Variants in FSTL5 observed in about 807,000 individuals in gnomAD.
FSTL5 encodes the protein follistatin like 5.
A neutral mutation model predicts 89.1 loss-of-function variants in FSTL5; 62 were observed. The observed-to-expected ratio is 0.70, with a 90% CI of 0.57 to 0.86. The LOEUF is 0.86. Among genes scored for constraint, FSTL5 ranks in the 40% least tolerant of loss-of-function variants. The probability of loss-of-function intolerance (pLI) is 0.00; values close to 1 mark genes in which losing one functional copy is unlikely to be tolerated. For missense variants in FSTL5, 1,057 were observed against 1,001.6 expected, an observed-to-expected ratio of 1.06 and a Z score of -0.75; for synonymous variants, 383 against 346.2, an observed-to-expected ratio of 1.11 and a Z score of -1.18.
rs545251357 is a variant in FSTL5 at position 161,417,844 on chromosome 4, T to C, written c.1842-31395A>G. Among the ~76,000 whole-genome samples the C allele has an allele frequency of 7.2e-5, 11 of 152,364 alleles. No homozygotes were observed. In the South Asian group the frequency reaches 2.3e-3, roughly 32 times the overall value. ...GGATACATAAATTACTTTGGCACCATGTACTTGGTGTTAGGATTAGTCATG... is the reference window on the plus strand; with the variant it reads ...GGATACATAAATTACTTTGGCACCACGTACTTGGTGTTAGGATTAGTCATG... On this transcript the variant is annotated intron_variant, in intron 15 of 15. Coordinates refer to ENST00000306100, the MANE Select transcript of FSTL5 (RefSeq NM_020116.5).
At chr4:161,767,945 T>C (rs1434243048) in intron 5 of FSTL5, among the ~76,000 whole-genome samples, 1 of 150,844 alleles carries the variant, frequency 6.6e-6, no homozygotes, top group Admixed American at 6.6e-5. Context: ...CTTTTTCAGA[T>C]GGTAATTAAC....
chr4:161,716,607 T>TAAAATA (rs139455397), intron 6 of FSTL5, among the ~76,000 whole-genome samples: 1 of 151,776 alleles, frequency 6.6e-6, no homozygotes, highest in Non-Finnish European at 1.5e-5. Flanking sequence ...AAAAAATAAA[T>TAAAATA]AAATAAAATA....
chr4:161,496,817 G>C (rs1346656069), intron 12 of FSTL5, among the ~76,000 whole-genome samples: 4 of 152,056 alleles, frequency 2.6e-5, no homozygotes, highest in Non-Finnish European at 5.9e-5. Context: ...GATAGAGATA[G>C]AGATAGAGAT....
At chr4:161,645,284 T>C (rs1275275556) in intron 7 of FSTL5, among the ~76,000 whole-genome samples, 2 of 152,172 alleles carry the variant, frequency 1.3e-5, no homozygotes, top group African/African-American at 4.8e-5. Context: ...TCTATGTTAA[T>C]ATTCCTTATG....
intron 7 of FSTL5, among the ~76,000 whole-genome samples, chr4:161,589,694 G>T (rs1468266269): frequency 1.3e-5 from 2 of 152,030 alleles, no homozygotes; most frequent in African/African-American, 4.8e-5. Flanking sequence ...GATACTAGTT[G>T]TAGAGAGCAA....
At position 161,385,965 on chromosome 4, in the gene FSTL5, CCTT is replaced by C. The variant is rs780129385; in HGVS notation, c.2323_2325del (p.Lys775del). The C allele has an allele frequency of 6.2e-7, 1 of 1,613,806 alleles. No individual in the cohort carries two copies. The highest frequency in any genetic ancestry group is 8.5e-7 in the Non-Finnish European group (1 of 1,179,944). On this transcript the variant is annotated inframe_deletion, in exon 16 of 16. Transcript: ENST00000306100. ...TCCTTGAGACTCTTTATCATCTTGA[CCTT>C]CCCAGAAGAGAGCTCCACAAAGAGC...
At chr4:162,156,051 T>C (rs1240292731) in intron 1 of FSTL5, among the ~76,000 whole-genome samples, 3 of 152,198 alleles carry the variant, frequency 2.0e-5, no homozygotes, top group Non-Finnish European at 4.4e-5. Context: ...GATCATGCAG[T>C]TGACTTCAGA....
chr4:162,017,266 G>T (rs1169742388), intron 3 of FSTL5, among the ~76,000 whole-genome samples: 1 of 152,112 alleles, frequency 6.6e-6, no homozygotes, highest in African/African-American at 2.4e-5. Flanking sequence ...CATGTTCTCA[G>T]AATAAGCAGA....
intron 4 of FSTL5, among the ~76,000 whole-genome samples, chr4:161,848,751 C>T (rs1731455913): frequency 6.6e-6 from 1 of 152,162 alleles, no homozygotes; most frequent in South Asian, 2.1e-4. Flanking sequence ...GCTGCCTCTA[C>T]TTGGAAATGT....
intron 1 of FSTL5, among the ~76,000 whole-genome samples, chr4:162,156,939 T>C (rs1733497763): frequency 2.0e-5 from 3 of 152,160 alleles, no homozygotes; most frequent in Admixed American, 6.6e-5. Flanking sequence ...AAAGATGGTT[T>C]CCCTATATCT....
At chr4:161,826,934 G>A (rs569293499) in intron 4 of FSTL5, among the ~76,000 whole-genome samples, 44 of 152,174 alleles carry the variant, frequency 2.9e-4, no homozygotes, top group African/African-American at 1.0e-3. Context: ...TCTGTTTCCT[G>A]AATAACATTT....
At chr4:161,554,066 G>A (rs981827431) in intron 8 of FSTL5, among the ~76,000 whole-genome samples, 4 of 151,466 alleles carry the variant, frequency 2.6e-5, no homozygotes, top group African/African-American at 7.3e-5. Flanking sequence ...AGAAATGAAG[G>A]TGAGGTTCTG....
intron 6 of FSTL5, among the ~76,000 whole-genome samples, chr4:161,746,512 A>G (rs144829828): frequency 6.6e-6 from 1 of 152,192 alleles, no homozygotes; most frequent in East Asian, 1.9e-4. Flanking sequence ...GTAGCATTTG[A>G]CAATATCTGT....
At chr4:161,913,847 A>T (rs1448829535) in intron 4 of FSTL5, among the ~76,000 whole-genome samples, 1 of 152,160 alleles carries the variant, frequency 6.6e-6, no homozygotes, top group African/African-American at 2.4e-5. Context: ...CAATACCTGT[A>T]CCCGCATTGT....
chr4:161,632,385 TCAAAA>T (rs1202677515), intron 7 of FSTL5, among the ~76,000 whole-genome samples: 2 of 151,900 alleles, frequency 1.3e-5, no homozygotes, highest in African/African-American at 4.8e-5. Flanking sequence ...GCCCCCAAAA[TCAAAA>T]CAAAACAAAA....
intron 15 of FSTL5, among the ~76,000 whole-genome samples, chr4:161,445,159 A>G (rs1732903579): frequency 6.6e-6 from 1 of 152,008 alleles, no homozygotes. Flanking sequence ...AATTATAGAG[A>G]AACGCTTTCA....
Position 161,759,422 on chromosome 4 carries a change from T to C in FSTL5, c.716A>G (p.Tyr239Cys). 2 of 1,591,896 alleles carry C rather than the reference T, an allele frequency of 1.3e-6. No homozygotes were observed. Among genetic ancestry groups the C allele is most frequent in the South Asian group, 1.2e-5 (1 of 86,778 alleles). ...AATCTTGTACTCACGGAATGCTCTA[T>C]AAAATTCTTCAAGAGCCAGGTGCTT... ...ADKHLALEEF[Y>C]RAFQVIQLSL... Residue 239 changes from tyrosine to cysteine, a missense_variant, in exon 6 of 16, where the codon TAT becomes TGT. By Grantham distance (194) the Tyr-to-Cys change is radical. Around this residue, in one of 3 missense-constraint regions of FSTL5, gnomAD observed 980 missense variants for 903.2 expected, o/e 1.08. Coordinates refer to ENST00000306100, the MANE Select transcript of FSTL5 (RefSeq NM_020116.5).
intron 3 of FSTL5, among the ~76,000 whole-genome samples, chr4:161,936,676 T>A (rs1349602055): frequency 2.0e-5 from 3 of 152,104 alleles, no homozygotes; most frequent in South Asian, 4.1e-4. Context: ...AGTCAATAAA[T>A]TGCCAGATCC....
chr4:161,777,066 T>C (rs1377749839), intron 4 of FSTL5, among the ~76,000 whole-genome samples: 3 of 152,012 alleles, frequency 2.0e-5, no homozygotes, highest in Non-Finnish European at 4.4e-5. Flanking sequence ...ACCATCACTT[T>C]ACTCTACAGC....
Sources: allele counts gnomAD v4.1 joint callset (sites outside exome capture counted in the v4.1 genomes callset), GRCh38; gene constraint gnomAD v4.1.1; regional missense constraint gnomAD v4.1.1; transcripts MANE v1.5; gene names NCBI Gene and HGNC (gene_info 2026-07-23, HGNC 2026-07-21).